HERC4: variants seen among roughly 807,000 people sequenced by gnomAD.
HERC4 encodes the protein probable E3 ubiquitin-protein ligase HERC4.
In HERC4, 28 loss-of-function variants were observed where a neutral mutation model predicts 124.3. The ratio of observed to expected loss-of-function variants is 0.23; its 90% confidence interval spans 0.17 to 0.31. The LOEUF is 0.31. Ranked by LOEUF, HERC4 falls within the 10% of genes least tolerant of loss-of-function variation. HERC4 has a pLI of 1.00. For missense variants in HERC4, 713 were observed against 1,229.3 expected, an observed-to-expected ratio of 0.58 and a Z score of 6.28; for synonymous variants, 407 against 421.5, an observed-to-expected ratio of 0.97 and a Z score of 0.42.
chr10:68,048,254 G>T (rs1380097119), intron 3 of HERC4, among the ~76,000 whole-genome samples: 1 of 152,072 alleles, frequency 6.6e-6, no homozygotes, highest in Non-Finnish European at 1.5e-5. Flanking sequence ...ATTCATAATT[G>T]CCAAAACCCA....
intron 3 of HERC4, among the ~76,000 whole-genome samples, chr10:68,063,079 C>A (rs1283161202): frequency 6.6e-6 from 1 of 152,168 alleles, no homozygotes; most frequent in African/African-American, 2.4e-5. Flanking sequence ...CTTGTTTATA[C>A]ATCCTGTAAC....
chr10:67,927,585 C>T (rs911819502), intron 23 of HERC4, among the ~76,000 whole-genome samples: 17 of 151,402 alleles, frequency 1.1e-4, no homozygotes, highest in Non-Finnish European at 2.1e-4. Flanking sequence ...ACCACCACAC[C>T]CAGCTAATTT....
At chr10:68,059,470 A>ATAT (rs1253764318) in intron 3 of HERC4, among the ~76,000 whole-genome samples, 1 of 131,472 alleles carries the variant, frequency 7.6e-6, no homozygotes, top group African/African-American at 2.9e-5. Context: ...ATAATATTAT[A>ATAT]TATTATAATA....
chr10:68,011,624 C>T (rs554730763), intron 9 of HERC4, among the ~76,000 whole-genome samples: 1 of 152,262 alleles, frequency 6.6e-6, no homozygotes, highest in East Asian at 1.9e-4. Flanking sequence ...TGGGCTTAAG[C>T]CCATATTAAT....
In HERC4 at chr10:68,059,842, A is replaced by ATTATATATCATAATATTATATAT. The variant is rs1564609854; in HGVS notation, c.226+13040_226+13041insATATATAATATTATGATATATAA. 5.3e-4 allele frequency among the ~76,000 whole-genome samples: 13 copies of ATTATATATCATAATATTATATAT among 24,682 alleles called. 4 individuals carry two copies. The African/African-American group carries it at 8.3e-3, about 16-fold the overall frequency. The allele number at this position is 24,682 out of a possible 152,430, so 16.2% of individuals were successfully genotyped here. On this transcript the variant is annotated intron_variant, in intron 3 of 24. Transcript: ENST00000373700. ...ATATATCATAATATTATATATTATAATATATTATATATCATAATATTATAT... is the reference window on the plus strand; with the variant it reads ...ATATATCATAATATTATATATTATAATTATATATCATAATATTATATATTATATTATATATCATAATATTATAT...
chr10:68,035,790 T>TAG (rs1333678841), intron 5 of HERC4, among the ~76,000 whole-genome samples: 1 of 152,152 alleles, frequency 6.6e-6, no homozygotes, highest in Non-Finnish European at 1.5e-5. Context: ...TCCCTCATCT[T>TAG]TGTCCAGTTC....
intron 4 of HERC4, among the ~76,000 whole-genome samples, chr10:68,038,663 T>C (rs752037546): frequency 2.6e-5 from 4 of 152,202 alleles, no homozygotes; most frequent in Non-Finnish European, 5.9e-5. Context: ...TCTCAAATTA[T>C]GAAACCTATT....
intron 5 of HERC4, among the ~76,000 whole-genome samples, chr10:68,036,472 AGAG>A (rs1402764337): frequency 6.6e-6 from 1 of 152,226 alleles, no homozygotes; most frequent in Non-Finnish European, 1.5e-5. Flanking sequence ...AAATATCAAA[AGAG>A]GAGTTGGCAA....
intron 9 of HERC4, chr10:68,007,947 G>A (rs1264019077): frequency 6.6e-6 from 1 of 152,328 alleles, no homozygotes; most frequent in African/African-American, 2.4e-5. Context: ...CAGAGCTCCT[G>A]AGCCCAAGCG....
At chr10:68,010,219 G>T in intron 9 of HERC4, 1 of 1,076,714 alleles carries the variant, frequency 9.3e-7, no homozygotes, top group Admixed American at 2.0e-5. Context: ...TTGAATGCAT[G>T]GGAGAGCCCA....
At chr10:68,072,750 G>T in intron 3 of HERC4, 133 bp downstream of exon 3, 1 of 602,542 alleles carries the variant, frequency 1.7e-6, no homozygotes, top group Non-Finnish European at 2.8e-6. Context: ...ACATATAATG[G>T]AAATACATAA....
At chr10:68,041,655 T>C (rs2039774663) in intron 4 of HERC4, among the ~76,000 whole-genome samples, 1 of 152,208 alleles carries the variant, frequency 6.6e-6, no homozygotes, top group Non-Finnish European at 1.5e-5. Context: ...TACATCTTTA[T>C]TGCCAACAAT....
chr10:68,031,199 CTAAA>C (rs1181336606), intron 7 of HERC4, among the ~76,000 whole-genome samples: 7 of 152,074 alleles, frequency 4.6e-5, no homozygotes, highest in African/African-American at 7.2e-5. Context: ...TTTCTTAAAA[CTAAA>C]TAGACATAAA....
intron 4 of HERC4, among the ~76,000 whole-genome samples, chr10:68,038,778 TAA>T (rs2039609050): frequency 6.6e-6 from 1 of 152,226 alleles, no homozygotes. Context: ...ACTAATATGT[TAA>T]GTCTTATTTT....
chr10:67,946,987 C>A (rs774555550), intron 19 of HERC4, among the ~76,000 whole-genome samples: 1 of 152,076 alleles, frequency 6.6e-6, no homozygotes, highest in Non-Finnish European at 1.5e-5. Flanking sequence ...ATATTATTAC[C>A]GCTAAAGAGA....
intron 10 of HERC4, 139 bp downstream of exon 10, chr10:67,992,466 GA>G (rs1445190819): frequency 7.5e-6 from 9 of 1,204,324 alleles, no homozygotes; most frequent in African/African-American, 1.5e-5. Flanking sequence ...AAATAGATCA[GA>G]AAAAACTTAT....
intron 3 of HERC4, among the ~76,000 whole-genome samples, chr10:68,061,182 A>T (rs2040990969): frequency 6.6e-6 from 1 of 152,262 alleles, no homozygotes; most frequent in Admixed American, 6.5e-5. Flanking sequence ...ACCAAAAGCA[A>T]CTTATACCTA....
rs186473544 is a variant in HERC4 at position 68,058,681 on chromosome 10, C to T, written c.227-14118G>A. Among the ~76,000 whole-genome samples, 268 of 152,100 alleles carry T rather than the reference C, an allele frequency of 1.8e-3. 3 individuals carry two copies. Among genetic ancestry groups the T allele is most frequent in the Middle Eastern group, 0.01 (3 of 294 alleles). On this transcript the variant is annotated intron_variant, in intron 3 of 24. Coordinates refer to ENST00000373700, the MANE Select transcript of HERC4 (RefSeq NM_015601.4). ...TCGGCTCACTGCAACCTCCACCTCC[C>T]GGGTTCAAGTAATTCTCCTGCAGCT...
intron 8 of HERC4, among the ~76,000 whole-genome samples, chr10:68,021,660 T>C (rs978590383): frequency 2.0e-5 from 3 of 151,876 alleles, no homozygotes; most frequent in Admixed American, 6.6e-5. Flanking sequence ...AATACAAAAT[T>C]AGTCGGGTGT....
Sources: allele counts gnomAD v4.1 joint callset (sites outside exome capture counted in the v4.1 genomes callset), GRCh38; gene constraint gnomAD v4.1.1; transcripts MANE v1.5; gene names NCBI Gene and HGNC (gene_info 2026-07-23, HGNC 2026-07-21).